ZNG1E: variants seen among roughly 807,000 people sequenced by gnomAD.
ZNG1E encodes the protein zinc-regulated GTPase metalloprotein activator 1E.
the ZNG1E span, among the ~76,000 whole-genome samples, chr9:65,674,079 T>G: frequency 1.3e-5 from 2 of 151,040 alleles, no homozygotes; most frequent in Non-Finnish European, 2.9e-5. Flanking sequence ...GTGTAAGCTA[T>G]CTATTTTGGG....
the ZNG1E span, among the ~76,000 whole-genome samples, chr9:65,720,791 T>A: frequency 4.2e-5 from 6 of 144,546 alleles, no homozygotes; most frequent in African/African-American, 1.5e-4. Flanking sequence ...TTGGTTGTAA[T>A]AGGGCCAAGA....
chr9:65,672,573 G>A, the ZNG1E span, among the ~76,000 whole-genome samples: 12 of 151,858 alleles, frequency 7.9e-5, no homozygotes, highest in East Asian at 5.8e-4. Flanking sequence ...GTGAAACCTC[G>A]TCTCTACTAA....
At chr9:65,665,973 C>T in the ZNG1E span, among the ~76,000 whole-genome samples, 225 of 150,148 alleles carry the variant, frequency 1.5e-3, no homozygotes, top group African/African-American at 5.1e-3. Context: ...GTAACTAACT[C>T]GCTTTTGATT....
chr9:65,686,288 A>G, the ZNG1E span, among the ~76,000 whole-genome samples: 2 of 148,030 alleles, frequency 1.4e-5, no homozygotes, highest in African/African-American at 4.9e-5. Context: ...CTCTATAGCT[A>G]TGAAAGTCCT....
At chr9:65,711,049 T>C in the ZNG1E span, among the ~76,000 whole-genome samples, 6 of 140,676 alleles carry the variant, frequency 4.3e-5, no homozygotes, top group South Asian at 1.4e-3. Flanking sequence ...GGTTTGTAGT[T>C]CTCCTTGAAG....
the ZNG1E span, among the ~76,000 whole-genome samples, chr9:65,721,013 A>G: frequency 6.6e-6 from 1 of 150,660 alleles, no homozygotes; most frequent in Non-Finnish European, 1.5e-5. Context: ...GATAGTCGGT[A>G]TCTGTCATAT....
chr9:65,718,964 T>TC, the ZNG1E span, among the ~76,000 whole-genome samples: 1 of 82,248 alleles, frequency 1.2e-5, no homozygotes, highest in African/African-American at 5.2e-5. Flanking sequence ...TTTTTTTTTT[T>TC]TTTTTTTTGC....
the ZNG1E span, among the ~76,000 whole-genome samples, chr9:65,675,376 A>C: frequency 2.7e-5 from 4 of 150,134 alleles, no homozygotes; most frequent in African/African-American, 7.4e-5. Flanking sequence ...AATAAAAGTG[A>C]TGCATGAATA....
chr9:65,688,151 T>C, the ZNG1E span, among the ~76,000 whole-genome samples: 1 of 150,948 alleles, frequency 6.6e-6, no homozygotes, highest in Non-Finnish European at 1.5e-5. Flanking sequence ...CTGTTTTTGA[T>C]ATTTTAAATG....
At chr9:65,713,559 A>C in the ZNG1E span, among the ~76,000 whole-genome samples, 1 of 151,726 alleles carries the variant, frequency 6.6e-6, no homozygotes, top group African/African-American at 2.4e-5. Context: ...TGGTGGTGAC[A>C]AAATCTCTCA....
chr9:65,710,759 C>T, the ZNG1E span, among the ~76,000 whole-genome samples: 1 of 149,292 alleles, frequency 6.7e-6, no homozygotes, highest in African/African-American at 2.5e-5. Context: ...TTACTGTAGC[C>T]TTGTAGTATA....
chr9:65,661,772 T>C, the ZNG1E span, among the ~76,000 whole-genome samples: 1 of 152,230 alleles, frequency 6.6e-6, no homozygotes, highest in Non-Finnish European at 1.5e-5. Context: ...AGATTAATTG[T>C]ACACAGACAC....
the ZNG1E span, among the ~76,000 whole-genome samples, chr9:65,667,218 C>G: frequency 2.6e-5 from 4 of 152,200 alleles, no homozygotes; most frequent in Non-Finnish European, 5.9e-5. Flanking sequence ...CATCTTTCTT[C>G]TAGCATCAGT....
At chr9:65,666,964 G>T in the ZNG1E span, among the ~76,000 whole-genome samples, 1 of 151,834 alleles carries the variant, frequency 6.6e-6, no homozygotes. Context: ...GGGATTACAG[G>T]AGTGTGCTAT....
At chr9:65,662,953 T>C in the ZNG1E span, among the ~76,000 whole-genome samples, 3 of 152,206 alleles carry the variant, frequency 2.0e-5, no homozygotes. Context: ...CCAAGAGCTT[T>C]TAGAATTCAA....
the ZNG1E span, among the ~76,000 whole-genome samples, chr9:65,722,720 T>G: frequency 1.2e-4 from 16 of 137,912 alleles, no homozygotes; most frequent in African/African-American, 4.2e-4. Flanking sequence ...TTTTTTTTTT[T>G]TTTTTTTTTT....
chr9:65,714,982 C>T, the ZNG1E span, among the ~76,000 whole-genome samples: 9 of 150,090 alleles, frequency 6.0e-5, no homozygotes, highest in African/African-American at 2.2e-4. Context: ...CAATGGCGGG[C>T]GCCCCTCCCC....
At chr9:65,657,872 G>A in the ZNG1E span, among the ~76,000 whole-genome samples, 34 of 152,372 alleles carry the variant, frequency 2.2e-4, no homozygotes, top group Middle Eastern at 3.4e-3. Context: ...AGGCTGAGGC[G>A]GGCAGATCAC....
chr9:65,707,087 T>A, the ZNG1E span: 1 of 94,412 alleles, frequency 1.1e-5, no homozygotes, highest in Non-Finnish European at 2.1e-5. Context: ...CTCGGCTCAC[T>A]GAAACCACTG....
Sources: allele counts gnomAD v4.1 joint callset (sites outside exome capture counted in the v4.1 genomes callset), GRCh38; gene constraint gnomAD v4.1.1; transcripts MANE v1.5; gene names NCBI Gene and HGNC (gene_info 2026-07-23, HGNC 2026-07-21).